The following ARRDC4 variants were observed in gnomAD, a reference collection of about 807,000 sequenced individuals.
ARRDC4 encodes arrestin domain containing 4, also known as arrestin domain-containing protein 4.
Under a neutral mutation model 44.6 loss-of-function variants are expected in ARRDC4, and 40 were observed. That is an observed-to-expected ratio of 0.90 (90% CI 0.70 to 1.17). The LOEUF (loss-of-function observed/expected upper bound fraction) is 1.17, where lower values mean the gene tolerates loss of function less well. Ranked by LOEUF, ARRDC4 falls within the 50% of genes most tolerant of loss-of-function variation. The pLI, the probability that ARRDC4 is intolerant of heterozygous loss-of-function variation, is 0.00. For missense variants in ARRDC4, 550 were observed against 559.1 expected (o/e 0.98, Z 0.16); for synonymous variants, 211 against 221.2 (o/e 0.95, Z 0.41).
chr15:97,961,809 C>T (rs60965421), intron 1 of ARRDC4, among the ~76,000 whole-genome samples: 42,152 of 151,968 alleles, frequency 0.28, 6,416 homozygotes, highest in East Asian at 0.49. Flanking sequence ...TCCCCTCCTA[C>T]CCGCTTCTTC....
rs1252619863 is a variant in ARRDC4, at chr15:97,968,873, T to C, written c.626-250T>C. ...TTTATATAGACACTGGTCATTTACA[T>C]ATCTTTAGAATTGCTAATGCAATAT... On this transcript the variant is annotated intron_variant, in intron 4 of 7. Coordinates refer to ENST00000268042, the MANE Select transcript of ARRDC4 (RefSeq NM_183376.3). The surrounding 1 kb of genome is among the most constrained non-coding windows in gnomAD (Gnocchi z 5.4). Among the ~76,000 whole-genome samples the C allele has an allele frequency of 6.6e-6, 1 of 152,234 alleles. No homozygotes were observed. Among genetic ancestry groups the C allele is most frequent in the Non-Finnish European group, 1.5e-5 (1 of 68,038 alleles).
At chr15:97,961,969 C>G (rs148183361) in intron 1 of ARRDC4, among the ~76,000 whole-genome samples, 2 of 152,186 alleles carry the variant, frequency 1.3e-5, no homozygotes, top group Non-Finnish European at 2.9e-5. Context: ...ACTACATGAG[C>G]GTTTCATTAA....
rs573789663 is a variant in ARRDC4 at position 97,965,968 on chromosome 15, A to C, written c.448A>C (p.Lys150Gln). 6 of 1,614,170 alleles carry C rather than the reference A, an allele frequency of 3.7e-6. 1 individual carries two copies. In the African/African-American group the frequency reaches 6.7e-5, roughly 18 times the overall value. The change falls in exon 3 of 8, where the codon AAG becomes CAG. Residue 150 changes from lysine to glutamine, a missense_variant. Coordinates refer to ENST00000268042, the MANE Select transcript of ARRDC4 (RefSeq NM_183376.3). This position sits in a 1 kb window ranked among gnomAD's most constrained non-coding sequence, Gnocchi z 5.1. ...YCVRAVLERP[K>Q]VPDQSVKREL... is the part of the protein sequence containing the mutation. ...TGTGCGGGCAGTGTTGGAACGACCCAAGGTACCTGATCAGAGTGTAAAGCG... is the reference window on the plus strand; with the variant it reads ...TGTGCGGGCAGTGTTGGAACGACCCCAGGTACCTGATCAGAGTGTAAAGCG...
At chr15:97,962,830 CT>C (rs1899344957) in intron 1 of ARRDC4, among the ~76,000 whole-genome samples, 1 of 152,122 alleles carries the variant, frequency 6.6e-6, no homozygotes, top group Admixed American at 6.5e-5. Context: ...AGTCTAGATT[CT>C]GGGGGTAATT....
In ARRDC4 at chr15:97,965,803, T is replaced by A; in HGVS notation, c.375-92T>A. The A allele has an allele frequency of 1.3e-6, 2 of 1,537,556 alleles. No homozygotes were observed. Among genetic ancestry groups the A allele is most frequent in the Non-Finnish European group, 1.8e-6 (2 of 1,123,092 alleles). On this transcript the variant is annotated intron_variant, in intron 2 of 7. Coordinates refer to ENST00000268042, the MANE Select transcript of ARRDC4 (RefSeq NM_183376.3). The surrounding 1 kb of genome is among the most constrained non-coding windows in gnomAD (Gnocchi z 5.1). The stretch of plus-strand genomic sequence containing the variant: ...TCCCTAAATAGACTTACTCTTTTTT[T>A]ATTTCCAACCTAAAACATTTTAAAC...
In ARRDC4 at chr15:97,969,186, C is replaced by G; in HGVS notation, c.689C>G (p.Ala230Gly). 6.2e-7 allele frequency: 1 copy of G among 1,613,862 alleles called. No homozygotes were observed. The highest frequency in any genetic ancestry group is 1.1e-5 in the South Asian group (1 of 91,082). The change falls in exon 5 of 8, where the codon GCT (alanine) becomes GGT (glycine). Residue 230 changes from alanine to glycine, a missense_variant. Transcript: ENST00000268042. ...NCSSRLIVPK[A>G]AIFQTQTYLA... ...TCCTCTCGTCTGATTGTTCCAAAGGCTGCTATTTTCCAAACGCAGACATAT... is the reference window on the plus strand; with the variant it reads ...TCCTCTCGTCTGATTGTTCCAAAGGGTGCTATTTTCCAAACGCAGACATAT...
chr15:97,967,673 A>C lies in ARRDC4; in HGVS notation c.523-341A>C, dbSNP rs900499641. Among the ~76,000 whole-genome samples, 2 of 152,132 alleles carry C rather than the reference A, an allele frequency of 1.3e-5. No individual in the cohort carries two copies. Among genetic ancestry groups the C allele is most frequent in the Non-Finnish European group, 2.9e-5 (2 of 68,020 alleles). ...TGACTTTTATATATAAAGTCTTAAA[A>C]ATAATTCTGTCATGTTTATAAGTCC... On this transcript the variant is annotated intron_variant, in intron 3 of 7. Coordinates refer to ENST00000268042, the MANE Select transcript of ARRDC4 (RefSeq NM_183376.3). The surrounding 1 kb of genome is among the most constrained non-coding windows in gnomAD (Gnocchi z 5.0).
rs746752307 is a variant in ARRDC4, at chr15:97,970,081, T to C, written c.1045+36T>C. ...TTGGCGTTCTTTCATAACGAAGCTTTACCTAGAAAATACCTAGGAACAGAA... is the reference window on the plus strand; with the variant it reads ...TTGGCGTTCTTTCATAACGAAGCTTCACCTAGAAAATACCTAGGAACAGAA... On this transcript the variant is annotated intron_variant, in intron 6 of 7. Transcript: ENST00000268042. The surrounding 1 kb of genome is among the most constrained non-coding windows in gnomAD (Gnocchi z 4.2). 2 of 1,590,970 alleles carry C rather than the reference T, an allele frequency of 1.3e-6. No homozygotes were observed. Among genetic ancestry groups the C allele is most frequent in the East Asian group, 4.5e-5 (2 of 44,354 alleles).
In ARRDC4 at chr15:97,973,207, T is replaced by C. The variant is rs920310946; in HGVS notation, c.*2020T>C. 6.6e-6 allele frequency: 1 copy of C among 152,504 alleles called. No individual in the cohort carries two copies. Among genetic ancestry groups the C allele is most frequent in the Non-Finnish European group, 1.5e-5 (1 of 68,020 alleles). 9.4% of individuals were successfully genotyped at this position (152,504 alleles called of 1,614,324 possible). A position where few individuals can be genotyped will look rare whatever the true frequency, so the allele number is the denominator to read the frequency against. On this transcript the variant is annotated 3_prime_UTR_variant, in exon 8 of 8. Coordinates refer to ENST00000268042, the MANE Select transcript of ARRDC4 (RefSeq NM_183376.3). The stretch of plus-strand genomic sequence containing the variant: ...ACATAATGAAAGAAACAAACTCCAG[T>C]ATGGAGAAGAGAAAGTTTAATTATT...
At chr15:97,961,710 C>A (rs759563540) in intron 1 of ARRDC4, among the ~76,000 whole-genome samples, 3 of 152,210 alleles carry the variant, frequency 2.0e-5, no homozygotes, top group Non-Finnish European at 2.9e-5. Flanking sequence ...TTTCCCTCTT[C>A]TGGGGAGCAG....
chr15:97,970,094 C>T lies in ARRDC4; in HGVS notation c.1045+49C>T, dbSNP rs745884642. ...ATAACGAAGCTTTACCTAGAAAATA[C>T]CTAGGAACAGAATATATACACTATT... On this transcript the variant is annotated intron_variant, in intron 6 of 7. Transcript: ENST00000268042. The surrounding 1 kb of genome is among the most constrained non-coding windows in gnomAD (Gnocchi z 4.2). The T allele has an allele frequency of 2.1e-5, 33 of 1,562,288 alleles. No individual in the cohort carries two copies. Among genetic ancestry groups the T allele is most frequent in the Admixed American group, 5.3e-5 (3 of 56,788 alleles).
intron 1 of ARRDC4, 74 bp downstream of exon 1, chr15:97,961,242 C>T (rs1899311513): frequency 2.4e-6 from 3 of 1,270,638 alleles, no homozygotes; most frequent in Non-Finnish European, 3.0e-6. Context: ...GCCGCGCACC[C>T]TCGGGATGCC....
In ARRDC4 at chr15:97,973,427, G is replaced by A. The variant is rs953075046; in HGVS notation, c.*2240G>A. On this transcript the variant is annotated 3_prime_UTR_variant, in exon 8 of 8. Coordinates refer to ENST00000268042, the MANE Select transcript of ARRDC4 (RefSeq NM_183376.3). ...CATATCTGACTGTAAGCAGTAGGTT[G>A]AAGATATCATTTTATGAATGTGGAG... is the stretch of plus-strand genomic sequence containing the variant. The A allele has an allele frequency of 2.6e-5, 4 of 152,464 alleles. No individual in the cohort carries two copies. Among genetic ancestry groups the A allele is most frequent in the African/African-American group, 7.2e-5 (3 of 41,442 alleles). 9.4% of individuals were successfully genotyped at this position (152,464 alleles called of 1,614,324 possible). A position where few individuals can be genotyped will look rare whatever the true frequency, so the allele number is the denominator to read the frequency against.
At chr15:97,961,278 G>A (rs1008577614) in intron 1 of ARRDC4, 110 bp downstream of exon 1, 18 of 1,044,008 alleles carry the variant, frequency 1.7e-5, no homozygotes, top group Non-Finnish European at 2.2e-5. Context: ...ATCAGGGCGG[G>A]CTTCCGGGGG....
intron 1 of ARRDC4, among the ~76,000 whole-genome samples, chr15:97,962,762 G>GA (rs556202560): frequency 2.0e-5 from 3 of 151,644 alleles, no homozygotes; most frequent in Non-Finnish European, 2.9e-5. Flanking sequence ...TTTAGTTGGG[G>GA]AAAAAAAATA....
At position 97,965,865 on chromosome 15, in the gene ARRDC4, C is replaced by T; in HGVS notation, c.375-30C>T. On this transcript the variant is annotated intron_variant, in intron 2 of 7. Transcript: ENST00000268042. This position sits in a 1 kb window ranked among gnomAD's most constrained non-coding sequence, Gnocchi z 5.1. ...TGGCTTTGTTTAACTGAAAAGTAAACTCATAATTAATGTCTTTGGTTGGTT... is the reference window on the plus strand; with the variant it reads ...TGGCTTTGTTTAACTGAAAAGTAAATTCATAATTAATGTCTTTGGTTGGTT... The T allele has an allele frequency of 6.2e-7, 1 of 1,603,178 alleles. No individual in the cohort carries two copies. The highest frequency in any genetic ancestry group is 8.5e-7 in the Non-Finnish European group (1 of 1,175,078).
Position 97,970,234 on chromosome 15 carries a change from G to A in ARRDC4, c.1045+189G>A, listed in dbSNP as rs1442748318. On this transcript the variant is annotated intron_variant, in intron 6 of 7. Coordinates refer to ENST00000268042, the MANE Select transcript of ARRDC4 (RefSeq NM_183376.3). The surrounding 1 kb of genome is among the most constrained non-coding windows in gnomAD (Gnocchi z 4.2). ...TTGAAAGTTTAGCTTTATCTAGGACGCAAAGCTGCTGATAGCAGATTCAGG... is the reference window on the plus strand; with the variant it reads ...TTGAAAGTTTAGCTTTATCTAGGACACAAAGCTGCTGATAGCAGATTCAGG... Among the ~76,000 whole-genome samples the A allele has an allele frequency of 2.0e-5, 3 of 152,062 alleles. No individual in the cohort carries two copies. The highest frequency in any genetic ancestry group is 2.1e-4 in the South Asian group (1 of 4,828).
rs1421896691 is a variant in ARRDC4, at chr15:97,965,801, T to C, written c.375-94T>C. ...AGTCCCTAAATAGACTTACTCTTTT[T>C]TTATTTCCAACCTAAAACATTTTAA... On this transcript the variant is annotated intron_variant, in intron 2 of 7. Coordinates refer to ENST00000268042, the MANE Select transcript of ARRDC4 (RefSeq NM_183376.3). The surrounding 1 kb of genome is among the most constrained non-coding windows in gnomAD (Gnocchi z 5.1). 6.5e-7 allele frequency: 1 copy of C among 1,536,914 alleles called. No homozygotes were observed. The highest frequency in any genetic ancestry group is 8.9e-7 in the Non-Finnish European group (1 of 1,122,486).
chr15:97,964,467 G>C (rs1331707049), intron 1 of ARRDC4, among the ~76,000 whole-genome samples: 1 of 152,156 alleles, frequency 6.6e-6, no homozygotes, highest in African/African-American at 2.4e-5. Context: ...TCTCTCAAGA[G>C]AGCCTCCTGA....
Sources: gnomAD v4.1 joint callset for allele counts (sites outside exome capture counted in the v4.1 genomes callset) on GRCh38, gnomAD v4.1.1 for gene constraint, Gnocchi (gnomAD v3.1) non-coding constraint, MANE v1.5 for transcripts, NCBI Gene and HGNC (gene_info 2026-07-23, HGNC 2026-07-21) for gene names.